Variants in NEK7 observed in about 807,000 individuals in gnomAD.
The protein encoded by NEK7 is NIMA related kinase 7.
Under a neutral mutation model 44.6 loss-of-function variants are expected in NEK7, and 18 were observed. The observed-to-expected ratio is 0.40, with a 90% confidence interval of 0.28 to 0.60. The LOEUF is 0.60. Among genes scored for constraint, NEK7 ranks in the 20% least tolerant of loss-of-function variants. The pLI, the probability that NEK7 is intolerant of heterozygous loss-of-function variation, is 0.38. For missense variants in NEK7, 256 were observed against 366.5 expected (o/e 0.70, Z 2.46); for synonymous variants, 130 against 121.1 (o/e 1.07, Z -0.48).
intron 1 of NEK7, among the ~76,000 whole-genome samples, chr1:198,161,750 A>ATGCCTGTCTG (rs1664113115): frequency 6.6e-6 from 1 of 152,074 alleles, no homozygotes; most frequent in Admixed American, 6.5e-5. Flanking sequence ...CATTGAATGA[A>ATGCCTGTCTG]TGCCTGTCTG....
At chr1:198,231,285 ACGTGTATGTGTGTGTG>A (rs1666381059) in intron 1 of NEK7, among the ~76,000 whole-genome samples, 1 of 116,450 alleles carries the variant, frequency 8.6e-6, no homozygotes, top group Non-Finnish European at 1.7e-5. Context: ...GTGTGTATAT[ACGTGTATGTGTGTGTG>A]TATATATATA....
chr1:198,226,208 TAAATC>T (rs988338467), intron 1 of NEK7, among the ~76,000 whole-genome samples: 1 of 152,098 alleles, frequency 6.6e-6, no homozygotes, highest in Non-Finnish European at 1.5e-5. Context: ...GTAATGGTGT[TAAATC>T]AATATGTAAA....
chr1:198,208,638 T>C (rs749075344), intron 1 of NEK7: 10 of 152,204 alleles, frequency 6.6e-5, no homozygotes, highest in Non-Finnish European at 1.3e-4. Flanking sequence ...GTACAATGTG[T>C]GCATATTTCA....
chr1:198,183,495 C>T (rs1469189234), intron 1 of NEK7, among the ~76,000 whole-genome samples: 1 of 152,108 alleles, frequency 6.6e-6, no homozygotes, highest in African/African-American at 2.4e-5. Context: ...GATTTAATTG[C>T]AGCCAATTGA....
chr1:198,191,777 G>A (rs1892488), intron 1 of NEK7, among the ~76,000 whole-genome samples: 15,561 of 151,980 alleles, frequency 0.1, 1,036 homozygotes, highest in East Asian at 0.22. Context: ...TCTTTAATCT[G>A]CTCTGTATAG....
chr1:198,298,126 T>C (rs1393599836), intron 9 of NEK7, among the ~76,000 whole-genome samples: 2 of 152,226 alleles, frequency 1.3e-5, no homozygotes, highest in Non-Finnish European at 2.9e-5. Context: ...GAGAAAATAG[T>C]GTGTTGAGTT....
intron 9 of NEK7, among the ~76,000 whole-genome samples, chr1:198,306,376 A>T (rs1317327136): frequency 6.6e-6 from 1 of 152,124 alleles, no homozygotes; most frequent in African/African-American, 2.4e-5. Flanking sequence ...AAGTACTATA[A>T]CCCCAGGTAT....
chr1:198,164,752 G>T (rs1474694243), intron 1 of NEK7, among the ~76,000 whole-genome samples: 1 of 152,182 alleles, frequency 6.6e-6, no homozygotes, highest in Non-Finnish European at 1.5e-5. Context: ...GTCACTGAAG[G>T]CTGGTGGCTG....
chr1:198,254,310 TC>T (rs1245195359), intron 3 of NEK7, among the ~76,000 whole-genome samples: 1 of 152,202 alleles, frequency 6.6e-6, no homozygotes, highest in African/African-American at 2.4e-5. Context: ...GATAACCATA[TC>T]CTGAATGTAA....
intron 9 of NEK7, among the ~76,000 whole-genome samples, chr1:198,309,379 A>G (rs1005827939): frequency 1.3e-5 from 2 of 152,120 alleles, no homozygotes; most frequent in African/African-American, 4.8e-5. Flanking sequence ...GAGCCTGGAA[A>G]GGGAAGCAGG....
chr1:198,283,422 G>A lies in NEK7; in HGVS notation c.589+4361G>A, dbSNP rs115504153. Among the ~76,000 whole-genome samples, 784 of 152,136 alleles carry A rather than the reference G, an allele frequency of 5.2e-3. 10 individuals are homozygous for A. Among genetic ancestry groups the A allele is most frequent in the African/African-American group, 0.018 (752 of 41,520 alleles). ...ACATTGGAACTCATTAGCCCATAGA[G>A]CAGAATGTTTACACTGCCTGTGGTC... On this transcript the variant is annotated intron_variant, in intron 7 of 9. Coordinates refer to ENST00000367385, the MANE Select transcript of NEK7 (RefSeq NM_133494.3).
chr1:198,241,324 C>T (rs942297115), intron 2 of NEK7, among the ~76,000 whole-genome samples: 1 of 152,146 alleles, frequency 6.6e-6, no homozygotes, highest in Admixed American at 6.5e-5. Context: ...TGATGTTTTT[C>T]TTGTCACATT....
At chr1:198,212,575 G>A (rs1558058784) in intron 1 of NEK7, among the ~76,000 whole-genome samples, 1 of 152,172 alleles carries the variant, frequency 6.6e-6, no homozygotes, top group Non-Finnish European at 1.5e-5. Flanking sequence ...GCCACTGCTT[G>A]TGCCTGCACG....
intron 5 of NEK7, among the ~76,000 whole-genome samples, chr1:198,277,137 C>A (rs1230918763): frequency 6.6e-6 from 1 of 151,660 alleles, no homozygotes; most frequent in African/African-American, 2.4e-5. Flanking sequence ...AAACCAGTTG[C>A]ATTTTGTTTT....
chr1:198,159,400 C>T (rs966685018), intron 1 of NEK7, among the ~76,000 whole-genome samples: 15 of 152,202 alleles, frequency 9.9e-5, no homozygotes, highest in African/African-American at 3.6e-4. Flanking sequence ...AACTTAACTA[C>T]TACTGAAAGT....
At chr1:198,318,620 T>C (rs1321877987) in intron 9 of NEK7, among the ~76,000 whole-genome samples, 10 of 152,168 alleles carry the variant, frequency 6.6e-5, no homozygotes, top group Admixed American at 5.9e-4. Flanking sequence ...GTTTATTGTC[T>C]ATGAAGATCA....
intron 9 of NEK7, among the ~76,000 whole-genome samples, chr1:198,311,888 T>C (rs1455439478): frequency 6.6e-6 from 1 of 152,176 alleles, no homozygotes; most frequent in Non-Finnish European, 1.5e-5. Context: ...AGGATATTGG[T>C]CTAAAATTCC....
intron 1 of NEK7, among the ~76,000 whole-genome samples, chr1:198,161,534 C>T (rs1466193350): frequency 6.6e-6 from 1 of 152,118 alleles, no homozygotes; most frequent in Non-Finnish European, 1.5e-5. Context: ...TCCACAACAG[C>T]GTTTTATAAT....
intron 5 of NEK7, among the ~76,000 whole-genome samples, chr1:198,276,724 TTAAAC>T (rs776030407): frequency 2.0e-5 from 3 of 151,748 alleles, no homozygotes; most frequent in East Asian, 1.9e-4. Flanking sequence ...ATAAGAAAGA[TTAAAC>T]TAAGATTATT....
Sources: allele counts gnomAD v4.1 joint callset (sites outside exome capture counted in the v4.1 genomes callset), GRCh38; gene constraint gnomAD v4.1.1; transcripts MANE v1.5; gene names NCBI Gene and HGNC (gene_info 2026-07-23, HGNC 2026-07-21).